Variants in RNF38 observed in about 807,000 individuals in gnomAD.
RNF38 encodes E3 ubiquitin-protein ligase RNF38.
A neutral mutation model predicts 67.2 loss-of-function variants in RNF38; 15 were observed. The ratio of observed to expected loss-of-function variants is 0.22; its 90% CI spans 0.15 to 0.34. The LOEUF (loss-of-function observed/expected upper bound fraction) is 0.34, where lower values mean the gene tolerates loss of function less well. RNF38 is among the 10% of genes least tolerant of loss of function. RNF38 has a pLI of 1.00. For synonymous variants in RNF38, 220 were observed against 218.8 expected, an observed-to-expected ratio of 1.01 and a Z score of -0.05; for missense variants, 524 against 639.9, an observed-to-expected ratio of 0.82 and a Z score of 1.95.
intron 1 of RNF38, among the ~76,000 whole-genome samples, chr9:36,463,426 A>C (rs747947540): frequency 6.6e-6 from 1 of 152,216 alleles, no homozygotes; most frequent in African/African-American, 2.4e-5. Flanking sequence ...TTCTGGATCC[A>C]TGAAATAGAA....
At chr9:36,397,358 C>T (rs1025528137) in intron 1 of RNF38, among the ~76,000 whole-genome samples, 1 of 152,036 alleles carries the variant, frequency 6.6e-6, no homozygotes, top group African/African-American at 2.4e-5. Context: ...AGGTGATCCA[C>T]CAACCTCGGC....
chr9:36,400,768 C>T (rs1482939485), upstream of RNF38: 2 of 985,574 alleles, frequency 2.0e-6, no homozygotes, highest in East Asian at 2.3e-4. Flanking sequence ...GAAACGACGG[C>T]TGCACGCCCA....
chr9:36,411,825 C>T (rs1345776254), intron 2 of RNF38, among the ~76,000 whole-genome samples: 2 of 152,110 alleles, frequency 1.3e-5, no homozygotes, highest in African/African-American at 4.8e-5. Flanking sequence ...CACCTCAGCC[C>T]TCCAAGGTGC....
chr9:36,437,976 A>T (rs1050198834), intron 1 of RNF38, among the ~76,000 whole-genome samples: 2 of 152,052 alleles, frequency 1.3e-5, no homozygotes, highest in Non-Finnish European at 2.9e-5. Flanking sequence ...ACTGAGTCTC[A>T]CTCTGTAGCC....
At chr9:36,400,465 C>T (rs1484338422), upstream of RNF38, 2 of 1,033,464 alleles carry the variant, frequency 1.9e-6, no homozygotes, top group Middle Eastern at 4.6e-4. Flanking sequence ...AAACCTTAGC[C>T]CAAGACTCGG....
At chr9:36,379,629 T>C (rs1481773031) in intron 2 of RNF38, among the ~76,000 whole-genome samples, 1 of 152,110 alleles carries the variant, frequency 6.6e-6, no homozygotes, top group South Asian at 2.1e-4. Context: ...TATTACACAA[T>C]ATCCAATAAA....
intron 1 of RNF38, among the ~76,000 whole-genome samples, chr9:36,431,280 T>C (rs1270962124): frequency 4.6e-5 from 7 of 152,204 alleles, no homozygotes; most frequent in Non-Finnish European, 8.8e-5. Context: ...AGTCAGGCTA[T>C]ATGGTATACT....
intron 1 of RNF38, among the ~76,000 whole-genome samples, chr9:36,393,522 T>G (rs979157333): frequency 1.4e-3 from 175 of 124,546 alleles, no homozygotes; most frequent in African/African-American, 4.8e-3. Context: ...TGTGTGTGTG[T>G]GGGGCAGGCA....
chr9:36,415,196 CG>C (rs1214343429), intron 2 of RNF38, among the ~76,000 whole-genome samples: 1 of 152,146 alleles, frequency 6.6e-6, no homozygotes, highest in Non-Finnish European at 1.5e-5. Context: ...TAGGCTTGAT[CG>C]TTTAACATAA....
At chr9:36,389,475 T>C (rs1337071350) in intron 2 of RNF38, among the ~76,000 whole-genome samples, 2 of 152,138 alleles carry the variant, frequency 1.3e-5, no homozygotes, top group East Asian at 3.9e-4. Flanking sequence ...AATAACTACA[T>C]ATGTGATTAG....
intron 1 of RNF38, among the ~76,000 whole-genome samples, chr9:36,480,346 G>C (rs1409884816): frequency 6.6e-6 from 1 of 152,062 alleles, no homozygotes; most frequent in African/African-American, 2.4e-5. Context: ...TTTAGTCTGA[G>C]AAACTGCTCA....
At chr9:36,345,402 A>G (rs1352950711) in intron 9 of RNF38, among the ~76,000 whole-genome samples, 1 of 152,208 alleles carries the variant, frequency 6.6e-6, no homozygotes, top group African/African-American at 2.4e-5. Flanking sequence ...CAAAGTTAGT[A>G]ACTTTGACCC....
Position 36,352,748 on chromosome 9 carries a change from T to A in RNF38, c.1172A>T (p.Tyr391Phe). Residue 391 changes from tyrosine to phenylalanine, a missense_variant, in exon 8 of 12, where the codon TAT (tyrosine) becomes TTT (phenylalanine). Transcript: ENST00000259605. ...PPPYHPSLLP[Y>F]VLSMLPVPPA... ...AAGATAAGAAAGAACTTACAACACA[T>A]ATGGCAGTAAGCTGGGATGATAAGG... 6.2e-7 allele frequency: 1 copy of A among 1,606,886 alleles called. No individual in the cohort carries two copies. The highest frequency in any genetic ancestry group is 1.1e-5 in the South Asian group (1 of 90,922).
chr9:36,387,488 T>C (rs1014492126), intron 2 of RNF38, among the ~76,000 whole-genome samples: 1 of 152,202 alleles, frequency 6.6e-6, no homozygotes. Context: ...AGTAAAGACA[T>C]GCCTAATTTT....
intron 1 of RNF38, among the ~76,000 whole-genome samples, chr9:36,446,245 G>A (rs532899932): frequency 2.0e-4 from 31 of 152,116 alleles, no homozygotes; most frequent in Non-Finnish European, 3.7e-4. Flanking sequence ...ACACTGATTT[G>A]TATCACAAAA....
At chr9:36,389,012 G>C (rs977290219) in intron 2 of RNF38, among the ~76,000 whole-genome samples, 2 of 152,172 alleles carry the variant, frequency 1.3e-5, no homozygotes, top group East Asian at 3.9e-4. Context: ...GGGGTTGTGA[G>C]AAAGATCTAC....
chr9:36,397,461 A>G (rs10814383), intron 1 of RNF38, among the ~76,000 whole-genome samples: 82,096 of 151,968 alleles, frequency 0.54, 23,306 homozygotes, highest in Non-Finnish European at 0.65. Context: ...AAACCATTCA[A>G]GGACTGGTAC....
intron 2 of RNF38, among the ~76,000 whole-genome samples, chr9:36,414,704 A>G (rs998098849): frequency 6.6e-6 from 1 of 151,954 alleles, no homozygotes; most frequent in Non-Finnish European, 1.5e-5. Context: ...AAAAAAAAAA[A>G]AAGATTTAGA....
At position 36,336,667 on chromosome 9, in the gene RNF38, C is replaced by T. The variant is rs1034331639; in HGVS notation, c.*3085G>A. ...ACTCAGCAAATGATTCCAAAAAACA[C>T]CCCTGTGAGCTTTCACAATCTGAAA... is the stretch of plus-strand genomic sequence containing the variant. On this transcript the variant is annotated 3_prime_UTR_variant, in exon 12 of 12. Coordinates refer to ENST00000259605, the MANE Select transcript of RNF38 (RefSeq NM_022781.5). The T allele has an allele frequency of 6.6e-6, 1 of 152,428 alleles. No individual in the cohort carries two copies. The highest frequency in any genetic ancestry group is 1.5e-5 in the Non-Finnish European group (1 of 68,012). 9.4% of individuals were successfully genotyped at this position (152,428 alleles called of 1,614,324 possible).
Sources: gnomAD v4.1 joint callset for allele counts (sites outside exome capture counted in the v4.1 genomes callset) on GRCh38, gnomAD v4.1.1 for gene constraint, MANE v1.5 for transcripts, NCBI Gene and HGNC (gene_info 2026-07-23, HGNC 2026-07-21) for gene names.